NT5C3B: variants seen among roughly 807,000 people sequenced by gnomAD.
The protein encoded by NT5C3B is 7-methylguanosine phosphate-specific 5'-nucleotidase.
In NT5C3B, 28 loss-of-function variants were observed where a neutral mutation model predicts 32.5. That is an observed-to-expected ratio of 0.86 (90% confidence interval 0.64 to 1.18). NT5C3B has a LOEUF of 1.18. NT5C3B is among the 50% of genes most tolerant of loss of function. NT5C3B has a pLI of 0.00. For missense variants in NT5C3B, 317 were observed against 322.0 expected (o/e 0.98, Z 0.12); for synonymous variants, 138 against 118.0 (o/e 1.17, Z -1.10).
chr17:41,830,694 C>T (rs745582501), intron 6 of NT5C3B, 107 bp downstream of exon 6: 282 of 775,516 alleles, frequency 3.6e-4, no homozygotes, highest in Non-Finnish European at 5.3e-4. Flanking sequence ...ATGTCCCTTC[C>T]GGTCCTTTAA....
intron 4 of NT5C3B, among the ~76,000 whole-genome samples, chr17:41,833,728 T>A (rs782251128): frequency 6.6e-6 from 1 of 152,194 alleles, no homozygotes; most frequent in Non-Finnish European, 1.5e-5. Context: ...ACTAGAAGAC[T>A]GTACTTTGGG....
At chr17:41,836,007 G>C in intron 1 of NT5C3B, 50 bp from the exon 2 acceptor site, 1 of 1,488,030 alleles carries the variant, frequency 6.7e-7, no homozygotes, top group East Asian at 2.6e-5. Flanking sequence ...CGCTGGGCCC[G>C]AGGGGAGCCC....
intron 6 of NT5C3B, among the ~76,000 whole-genome samples, chr17:41,830,188 C>A (rs2048028318): frequency 6.6e-6 from 1 of 152,192 alleles, no homozygotes; most frequent in Non-Finnish European, 1.5e-5. Context: ...ACCAGACAGA[C>A]CCCAAAAGTC....
At position 41,835,070 on chromosome 17, in the gene NT5C3B, C is replaced by T. The variant is rs947764309; in HGVS notation, c.228G>A (p.Glu76=). The change falls in exon 4 of 9, where the codon GAG becomes GAA. Residue 76 remains glutamate, a splice_region_variant and synonymous_variant. Coordinates refer to ENST00000435506, the MANE Select transcript of NT5C3B (RefSeq NM_052935.5). ...SKIISEECRK[E]LTALLHHYYP... The stretch of plus-strand genomic sequence containing the variant: ...TGAGCAAAGGACGGGAGCAACCCAC[C>T]TCTTTCCGACACTCCTCACTGATGA... The T allele has an allele frequency of 3.7e-6, 6 of 1,614,132 alleles. No homozygotes were observed. The highest frequency in any genetic ancestry group is 5.1e-6 in the Non-Finnish European group (6 of 1,179,992).
intron 4 of NT5C3B, among the ~76,000 whole-genome samples, chr17:41,833,857 G>A (rs1300903132): frequency 6.6e-6 from 1 of 152,100 alleles, no homozygotes; most frequent in Non-Finnish European, 1.5e-5. Flanking sequence ...ACTCTAAAGG[G>A]GCTGTTCCAG....
In NT5C3B at chr17:41,831,832, G is replaced by A. The variant is rs538299188; in HGVS notation, c.314+560C>T. Among the ~76,000 whole-genome samples the A allele has an allele frequency of 4.6e-5, 7 of 152,276 alleles. No homozygotes were observed. The East Asian group carries it at 1.2e-3, about 25-fold the overall frequency. On this transcript the variant is annotated intron_variant, in intron 5 of 8. Transcript: ENST00000435506. ...AGACTTTGGGAGGCCGAAGTGGGAG[G>A]ATTGCTTGAGCTCAGGAGTTGAAAA...
At chr17:41,834,640 C>T (rs1404473522) in intron 4 of NT5C3B, among the ~76,000 whole-genome samples, 2 of 151,866 alleles carry the variant, frequency 1.3e-5, no homozygotes, top group African/African-American at 4.8e-5. Flanking sequence ...TCCAGCTACT[C>T]AGTAGGGCTG....
At position 41,826,568 on chromosome 17, in the gene NT5C3B, G is replaced by A. The variant is rs554946136; in HGVS notation, c.768+858C>T. On this transcript the variant is annotated intron_variant, in intron 8 of 8. Coordinates refer to ENST00000435506, the MANE Select transcript of NT5C3B (RefSeq NM_052935.5). ...AGATGGAGCCTCGCTCTGTCACCCA[G>A]ACTGGAGTGCAGTGGCGCAATCTCA... Among the ~76,000 whole-genome samples the A allele has an allele frequency of 7.5e-4, 114 of 152,082 alleles. 1 individual carries two copies. The highest frequency in any genetic ancestry group is 2.5e-3 in the African/African-American group (105 of 41,514).
chr17:41,831,851 T>C (rs1183086703), intron 5 of NT5C3B, among the ~76,000 whole-genome samples: 1 of 151,548 alleles, frequency 6.6e-6, no homozygotes, highest in Non-Finnish European at 1.5e-5. Context: ...AGCTCAGGAG[T>C]TGAAAATAGC....
chr17:41,831,609 ACTCT>A (rs1305441719), intron 5 of NT5C3B, among the ~76,000 whole-genome samples: 3 of 151,796 alleles, frequency 2.0e-5, no homozygotes, highest in Admixed American at 2.0e-4. Context: ...TATAAAAAGA[ACTCT>A]CTTTCTCTTT....
At chr17:41,830,729 C>T in intron 6 of NT5C3B, 72 bp downstream of exon 6, 2 of 1,114,536 alleles carry the variant, frequency 1.8e-6, no homozygotes, top group Non-Finnish European at 2.8e-6. Flanking sequence ...TCTACTCTTC[C>T]CCCGCCTCCT....
chr17:41,828,489 A>G (rs1328848456), intron 7 of NT5C3B: 1 of 229,888 alleles, frequency 4.3e-6, no homozygotes, highest in Non-Finnish European at 8.7e-6. Context: ...GCCACACACC[A>G]CCACGCCCGG....
chr17:41,826,513 G>A (rs983849534), intron 8 of NT5C3B, among the ~76,000 whole-genome samples: 9 of 151,550 alleles, frequency 5.9e-5, no homozygotes, highest in South Asian at 2.1e-4. Flanking sequence ...ATGAGCCACC[G>A]CACCTGACCA....
At chr17:41,826,238 T>TC (rs1555618155) in intron 8 of NT5C3B, among the ~76,000 whole-genome samples, 9 of 151,894 alleles carry the variant, frequency 5.9e-5, no homozygotes, top group African/African-American at 2.2e-4. Context: ...TTTCTTTCTT[T>TC]TTTGAGATAG....
intron 4 of NT5C3B, among the ~76,000 whole-genome samples, 158 bp downstream of exon 4, chr17:41,834,912 T>A (rs2048118732): frequency 6.6e-6 from 1 of 152,242 alleles, no homozygotes; most frequent in Non-Finnish European, 1.5e-5. Flanking sequence ...AAGGAAAAGC[T>A]GTCTTAATGT....
In NT5C3B at chr17:41,836,173, C is replaced by T; in HGVS notation, c.12+9G>A. The T allele has an allele frequency of 7.8e-7, 1 of 1,285,770 alleles. No individual in the cohort carries two copies. Among genetic ancestry groups the T allele is most frequent in the Non-Finnish European group, 9.8e-7 (1 of 1,020,060 alleles). 79.6% of individuals were successfully genotyped at this position (1,285,770 alleles called of 1,614,324 possible). ...CCCGCCCCACTCCGGACGCTTCCTCCCTCCTCACCTCCTCTGCCATCCCGT... is the reference window on the plus strand; with the variant it reads ...CCCGCCCCACTCCGGACGCTTCCTCTCTCCTCACCTCCTCTGCCATCCCGT... On this transcript the variant is annotated intron_variant, in intron 1 of 8. Transcript: ENST00000435506.
intron 8 of NT5C3B, 93 bp from the exon 9 acceptor site, chr17:41,825,750 A>C (rs1448044631): frequency 7.3e-6 from 6 of 825,950 alleles, no homozygotes; most frequent in Non-Finnish European, 1.3e-5. Flanking sequence ...GGAGGAGAGC[A>C]TTCAAGCAGC....
At chr17:41,832,341 G>A in intron 5 of NT5C3B, 51 bp downstream of exon 5, 1 of 1,508,798 alleles carries the variant, frequency 6.6e-7, no homozygotes, top group African/African-American at 1.4e-5. Context: ...GCCCCTCCCA[G>A]CCTACTCCAT....
Position 41,835,057 on chromosome 17 carries a change from G to A in NT5C3B, c.228+13C>T, listed in dbSNP as rs782532936. 2.7e-5 allele frequency: 44 copies of A among 1,613,332 alleles called. No individual in the cohort carries two copies. Among genetic ancestry groups the A allele is most frequent in the Non-Finnish European group, 3.1e-5 (37 of 1,179,416 alleles). On this transcript the variant is annotated intron_variant, in intron 4 of 8. Transcript: ENST00000435506. Reference sequence around the variant, plus strand: ...TGACAACCATTTCTGAGCAAAGGACGGGAGCAACCCACCTCTTTCCGACAC... The same window carrying A: ...TGACAACCATTTCTGAGCAAAGGACAGGAGCAACCCACCTCTTTCCGACAC...
Sources: allele counts gnomAD v4.1 joint callset (sites outside exome capture counted in the v4.1 genomes callset), GRCh38; gene constraint gnomAD v4.1.1; transcripts MANE v1.5; gene names NCBI Gene and HGNC (gene_info 2026-07-23, HGNC 2026-07-21).